The following GTF2E1 variants were observed in gnomAD, a reference collection of about 807,000 sequenced individuals.
GTF2E1 encodes the protein general transcription factor IIE subunit 1.
Under a neutral mutation model 34.9 loss-of-function variants are expected in GTF2E1, and 14 were observed. The ratio of observed to expected loss-of-function variants is 0.40; its 90% CI spans 0.27 to 0.63. The LOEUF (loss-of-function observed/expected upper bound fraction) is 0.63, where lower values mean the gene tolerates loss of function less well. GTF2E1 is among the 20% of genes least tolerant of loss of function. The pLI, the probability that GTF2E1 is intolerant of heterozygous loss-of-function variation, is 0.39. For missense variants in GTF2E1, 469 were observed against 557.7 expected, an observed-to-expected ratio of 0.84 and a Z score of 1.60; for synonymous variants, 188 against 192.9, an observed-to-expected ratio of 0.97 and a Z score of 0.21.
In GTF2E1 at chr3:120,753,363, G is replaced by A. The variant is rs540190446; in HGVS notation, c.448+2363G>A. On this transcript the variant is annotated intron_variant, in intron 2 of 4. Coordinates refer to ENST00000283875, the MANE Select transcript of GTF2E1 (RefSeq NM_005513.3). ...GCCTTGTCTAAATTGGTAGATTGTA[G>A]TTTTCTTTCTAAGCCCAGTCCTGTA... Among the ~76,000 whole-genome samples, 3 of 152,196 alleles carry A rather than the reference G, an allele frequency of 2.0e-5. No individual in the cohort carries two copies. In the East Asian group the frequency reaches 5.8e-4, roughly 29 times the overall value.
intron 4 of GTF2E1, among the ~76,000 whole-genome samples, chr3:120,777,660 T>C (rs1464370955): frequency 6.6e-6 from 1 of 152,212 alleles, no homozygotes; most frequent in Non-Finnish European, 1.5e-5. Context: ...TTTGATATAT[T>C]AATTTTAATA....
chr3:120,772,211 CTATT>C (rs771076176), intron 3 of GTF2E1, among the ~76,000 whole-genome samples: 2 of 152,106 alleles, frequency 1.3e-5, no homozygotes, highest in African/African-American at 2.4e-5. Context: ...CTAGGATACT[CTATT>C]TATCCCCTGA....
At chr3:120,760,962 C>G (rs1002326057) in intron 2 of GTF2E1, among the ~76,000 whole-genome samples, 1 of 152,106 alleles carries the variant, frequency 6.6e-6, no homozygotes, top group African/African-American at 2.4e-5. Context: ...GGAGGATTTC[C>G]TCTTTTTCTA....
At position 120,770,912 on chromosome 3, in the gene GTF2E1, C is replaced by G. The variant is rs1003260306; in HGVS notation, c.633C>G (p.Ile211Met). 2.5e-6 allele frequency: 4 copies of G among 1,613,210 alleles called. No homozygotes were observed. Among genetic ancestry groups the G allele is most frequent in the Non-Finnish European group, 3.4e-6 (4 of 1,179,394 alleles). ...TACTTGAGCCAGAACCCACAGAAAT[C>G]CCAGCCCTGAAACAGAGGTGAGTGT... Reference protein sequence around the residue: ...YEILEPEPTEIPALKQSKDHA... With the variant: ...YEILEPEPTEMPALKQSKDHA... Residue 211 changes from isoleucine (I) to methionine (M), a missense_variant, in exon 3 of 5, where the codon ATC becomes ATG. Physicochemically the swap from Ile to Met is conservative, Grantham distance 10. Transcript: ENST00000283875.
chr3:120,743,607 C>A (rs575345421), intron 1 of GTF2E1, among the ~76,000 whole-genome samples: 9 of 151,974 alleles, frequency 5.9e-5, no homozygotes, highest in Non-Finnish European at 1.3e-4. Context: ...CCATGGAACA[C>A]GTGAAAGGGG....
intron 4 of GTF2E1, among the ~76,000 whole-genome samples, 194 bp downstream of exon 4, chr3:120,776,858 A>G (rs1338702243): frequency 6.6e-6 from 1 of 152,228 alleles, no homozygotes; most frequent in Admixed American, 6.5e-5. Context: ...CTTAGTGAAA[A>G]TAACAAATAG....
At chr3:120,749,498 T>A (rs1213001773) in intron 1 of GTF2E1, among the ~76,000 whole-genome samples, 3 of 152,316 alleles carry the variant, frequency 2.0e-5, no homozygotes, top group East Asian at 1.9e-4. Flanking sequence ...CTTTTCTGCA[T>A]CTATTGAGAT....
intron 2 of GTF2E1, among the ~76,000 whole-genome samples, chr3:120,769,369 A>T (rs576147289): frequency 3.9e-5 from 6 of 152,308 alleles, no homozygotes; most frequent in African/African-American, 1.4e-4. Flanking sequence ...AAGGGAAGCC[A>T]CATACCATGG....
intron 4 of GTF2E1, among the ~76,000 whole-genome samples, chr3:120,778,495 G>A (rs945241738): frequency 6.6e-6 from 1 of 152,124 alleles, no homozygotes; most frequent in African/African-American, 2.4e-5. Flanking sequence ...TTACTATACT[G>A]AAGAAAGTTC....
chr3:120,750,964 G>T lies in GTF2E1; in HGVS notation c.412G>T (p.Asp138Tyr). 1 of 1,613,762 alleles carries T rather than the reference G, an allele frequency of 6.2e-7. No individual in the cohort carries two copies. Among genetic ancestry groups the T allele is most frequent in the South Asian group, 1.1e-5 (1 of 91,058 alleles). ...KCPVCSSTFT[D>Y]LEANQLFDPM... ...TCCTGTCTGTAGTAGTACTTTCACA[G>T]ACTTAGAAGCTAATCAGCTCTTTGA... is the stretch of plus-strand genomic sequence containing the variant. The change falls in exon 2 of 5, where the codon GAC (aspartate) becomes TAC (tyrosine). Residue 138 changes from aspartate to tyrosine, a missense_variant. Transcript: ENST00000283875.
chr3:120,759,855 T>C (rs1189451883), intron 2 of GTF2E1, among the ~76,000 whole-genome samples: 1 of 152,212 alleles, frequency 6.6e-6, no homozygotes, highest in African/African-American at 2.4e-5. Flanking sequence ...TGTAGTATAG[T>C]TTGAAGTCAG....
intron 2 of GTF2E1, among the ~76,000 whole-genome samples, chr3:120,752,954 A>G (rs552746310): frequency 5.1e-4 from 77 of 152,314 alleles, no homozygotes; most frequent in South Asian, 4.4e-3. Flanking sequence ...AGCCTGAGGT[A>G]TCATGATTAA....
rs533768379 is a variant in GTF2E1 at position 120,748,985 on chromosome 3, T to G, written c.-30-1538T>G. ...CCTTCACATCCCTTGTAAGTTGGAT[T>G]CCTAGGTATTTTATTCTCTTTGAAG... is the stretch of plus-strand genomic sequence containing the variant. On this transcript the variant is annotated intron_variant, in intron 1 of 4. Transcript: ENST00000283875. 2.0e-5 allele frequency among the ~76,000 whole-genome samples: 3 copies of G among 152,344 alleles called. No homozygotes were observed. In the South Asian group the frequency reaches 6.2e-4, roughly 32 times the overall value.
intron 4 of GTF2E1, 38 bp from the exon 5 acceptor site, chr3:120,781,005 T>A: frequency 7.3e-7 from 1 of 1,365,216 alleles, no homozygotes; most frequent in Non-Finnish European, 1.0e-6. Context: ...ATGCCATTTA[T>A]ATTTAAGGAT....
intron 2 of GTF2E1, among the ~76,000 whole-genome samples, chr3:120,766,869 C>G (rs945906682): frequency 6.6e-6 from 1 of 152,044 alleles, no homozygotes; most frequent in Non-Finnish European, 1.5e-5. Context: ...TCCGTGTCCT[C>G]CTGCCCCTTG....
intron 3 of GTF2E1, among the ~76,000 whole-genome samples, chr3:120,771,905 G>A (rs1050000325): frequency 7.2e-5 from 11 of 152,180 alleles, no homozygotes; most frequent in African/African-American, 2.2e-4. Flanking sequence ...TCTAGCAGTA[G>A]ATTGAACAAT....
chr3:120,756,833 G>A (rs1385506706), intron 2 of GTF2E1, among the ~76,000 whole-genome samples: 1 of 152,094 alleles, frequency 6.6e-6, no homozygotes, highest in Non-Finnish European at 1.5e-5. Flanking sequence ...GGCTGAGGCA[G>A]GAGAATCCTT....
intron 1 of GTF2E1, among the ~76,000 whole-genome samples, chr3:120,747,793 T>G (rs1016466569): frequency 9.2e-5 from 14 of 152,222 alleles, no homozygotes. Context: ...AAATGGTATT[T>G]CTAGTTCTAG....
At chr3:120,779,578 G>A (rs918839380) in intron 4 of GTF2E1, among the ~76,000 whole-genome samples, 1 of 152,134 alleles carries the variant, frequency 6.6e-6, no homozygotes, top group African/African-American at 2.4e-5. Flanking sequence ...CTTCTAAAAT[G>A]TCCAGGGATT....
Sources: allele counts gnomAD v4.1 joint callset (sites outside exome capture counted in the v4.1 genomes callset), GRCh38; gene constraint gnomAD v4.1.1; transcripts MANE v1.5; gene names NCBI Gene and HGNC (gene_info 2026-07-23, HGNC 2026-07-21).